The following CIDEA variants were observed in gnomAD, a reference collection of about 807,000 sequenced individuals.
CIDEA encodes lipid transferase CIDEA.
CIDEA carries 10 observed loss-of-function variants against 18.2 expected under a neutral mutation model. That is an observed-to-expected ratio of 0.55 (90% CI 0.34 to 0.93). The LOEUF is 0.93. Ranked by LOEUF, CIDEA falls within the 40% of genes least tolerant of loss-of-function variation. The pLI, the probability that CIDEA is intolerant of heterozygous loss-of-function variation, is 0.02. For missense variants in CIDEA, 309 were observed against 293.1 expected (o/e 1.05, Z -0.40); for synonymous variants, 128 against 124.8 (o/e 1.03, Z -0.17).
intron 1 of CIDEA, among the ~76,000 whole-genome samples, chr18:12,261,856 C>T (rs1169780763): frequency 6.6e-6 from 1 of 151,112 alleles, no homozygotes; most frequent in African/African-American, 2.4e-5. Flanking sequence ...ACTGGAATTA[C>T]AGGCATGAGA....
chr18:12,266,284 T>C (rs1437009163), intron 3 of CIDEA, among the ~76,000 whole-genome samples: 1 of 151,580 alleles, frequency 6.6e-6, no homozygotes, highest in East Asian at 1.9e-4. Flanking sequence ...CAAAACCCCA[T>C]CTCTACCAAA....
intron 4 of CIDEA, among the ~76,000 whole-genome samples, chr18:12,275,860 T>A (rs6505742): frequency 1 from 152,202 of 152,216 alleles, 76,094 homozygotes; most frequent in Non-Finnish European, 1. Flanking sequence ...TTTTGCCGGG[T>A]TAGGAGAAAA....
chr18:12,254,870 G>C (rs1001114251), intron 1 of CIDEA: 1 of 1,325,360 alleles, frequency 7.5e-7, no homozygotes, highest in Middle Eastern at 2.2e-4. Flanking sequence ...GGAGCTGGGC[G>C]CGGGAGGGGC....
At chr18:12,255,064 C>T in intron 1 of CIDEA, 2 of 617,362 alleles carry the variant, frequency 3.2e-6, no homozygotes, top group Non-Finnish European at 4.7e-6. Context: ...AGGAGTCTTC[C>T]CTGCGCTTCG....
chr18:12,277,070 T>C lies in CIDEA; in HGVS notation c.513-53T>C. The C allele has an allele frequency of 3.7e-6, 6 of 1,605,244 alleles. 1 individual carries two copies. The South Asian group carries it at 5.5e-5, about 15-fold the overall frequency. ...GTGAAGTATTCCCATCCTGTCTGTT[T>C]CTCACTGGCCCAAAATCCCAAGCTA... On this transcript the variant is annotated intron_variant, in intron 4 of 4. Coordinates refer to ENST00000320477, the MANE Select transcript of CIDEA (RefSeq NM_001279.4).
intron 3 of CIDEA, among the ~76,000 whole-genome samples, chr18:12,271,160 C>G (rs1046173576): frequency 2.0e-5 from 3 of 152,114 alleles, no homozygotes; most frequent in Non-Finnish European, 4.4e-5. Flanking sequence ...CGGCCTCCCA[C>G]CGTGCTAGGA....
chr18:12,256,559 C>T (rs1256955871), intron 1 of CIDEA, among the ~76,000 whole-genome samples: 1 of 152,224 alleles, frequency 6.6e-6, no homozygotes, highest in Admixed American at 6.5e-5. Context: ...TGCTCTGTTC[C>T]TGTGTTCTGC....
intron 3 of CIDEA, among the ~76,000 whole-genome samples, chr18:12,266,146 A>C (rs1163039097): frequency 6.6e-6 from 1 of 152,126 alleles, no homozygotes; most frequent in African/African-American, 2.4e-5. Flanking sequence ...CAGGAGGATC[A>C]CTTGAGCCCA....
At position 12,259,724 on chromosome 18, in the gene CIDEA, G is replaced by A. The variant is rs183306332; in HGVS notation, c.39-3101G>A. Among the ~76,000 whole-genome samples, 562 of 152,266 alleles carry A rather than the reference G, an allele frequency of 3.7e-3. 2 individuals carry two copies. The highest frequency in any genetic ancestry group is 7.0e-3 in the Non-Finnish European group (474 of 68,016). On this transcript the variant is annotated intron_variant, in intron 1 of 4. Transcript: ENST00000320477. ...AAAAATACAAAAATTAGCCAGGCATGGTAGCGGGCGCCTGTAACCCCAGCT... is the reference window on the plus strand; with the variant it reads ...AAAAATACAAAAATTAGCCAGGCATAGTAGCGGGCGCCTGTAACCCCAGCT...
chr18:12,254,517 G>A, intron 1 of CIDEA, 96 bp downstream of exon 1: 3 of 1,539,248 alleles, frequency 1.9e-6, no homozygotes, highest in Non-Finnish European at 2.6e-6. Context: ...ACCGTACCCC[G>A]CTCCCTTCAG....
intron 3 of CIDEA, among the ~76,000 whole-genome samples, chr18:12,271,597 G>T (rs1005849058): frequency 6.6e-6 from 1 of 152,226 alleles, no homozygotes. Context: ...GAGACACTCA[G>T]CTAACAGGGA....
At chr18:12,265,817 T>C (rs946398439) in intron 3 of CIDEA, among the ~76,000 whole-genome samples, 1 of 152,122 alleles carries the variant, frequency 6.6e-6, no homozygotes, top group Non-Finnish European at 1.5e-5. Flanking sequence ...ACGTAAGGAC[T>C]CAGGCACCAC....
chr18:12,265,477 G>C (rs1314875812), intron 3 of CIDEA, among the ~76,000 whole-genome samples: 1 of 152,204 alleles, frequency 6.6e-6, no homozygotes, highest in African/African-American at 2.4e-5. Flanking sequence ...AAAGTCAAGG[G>C]GTGAGATGTG....
At chr18:12,277,031 T>G (rs1157956198) in intron 4 of CIDEA, 92 bp from the exon 5 acceptor site, 1 of 1,448,244 alleles carries the variant, frequency 6.9e-7, no homozygotes, top group East Asian at 2.3e-5. Flanking sequence ...TCCGAGTGCC[T>G]TTTGGTGGGG....
At chr18:12,270,310 T>C (rs1012210952) in intron 3 of CIDEA, among the ~76,000 whole-genome samples, 3 of 151,826 alleles carry the variant, frequency 2.0e-5, no homozygotes, top group Non-Finnish European at 2.9e-5. Context: ...ATATATATTA[T>C]ATATATAACC....
At chr18:12,268,254 A>ATTTTTTTTTTT (rs1912411367) in intron 3 of CIDEA, among the ~76,000 whole-genome samples, 147 of 51,070 alleles carry the variant, frequency 2.9e-3, no homozygotes, top group Non-Finnish European at 3.7e-3. Context: ...TTTTTTTTTC[A>ATTTTTTTTTTT]TTTTTAGTAG....
At chr18:12,262,392 C>G (rs982090645) in intron 1 of CIDEA, among the ~76,000 whole-genome samples, 1 of 152,146 alleles carries the variant, frequency 6.6e-6, no homozygotes, top group Non-Finnish European at 1.5e-5. Context: ...TTCTGGCTTA[C>G]CCTTATTGTG....
rs779255122 is a variant in CIDEA, at chr18:12,262,830, T to G, written c.44T>G (p.Leu15Arg). The G allele has an allele frequency of 3.1e-6, 5 of 1,611,882 alleles. No individual in the cohort carries two copies. The South Asian group carries it at 5.5e-5, about 18-fold the overall frequency. ...RDYAGALIRP[L>R]TFMGSQTKRV... ...CTTTTCACCTCCATTTTCAGGCCCC[T>G]GACATTTATGGGATCACAGACTAAG... Residue 15 changes from leucine (L) to arginine (R), a missense_variant, in exon 2 of 5, where the codon CTG becomes CGG. Physicochemically the swap from Leu to Arg is moderately radical, Grantham distance 102. Transcript: ENST00000320477.
chr18:12,266,061 C>CA (rs200649401), intron 3 of CIDEA, among the ~76,000 whole-genome samples: 9 of 152,220 alleles, frequency 5.9e-5, no homozygotes, highest in East Asian at 3.9e-4. Context: ...CAATCTCCAC[C>CA]AAAAAAAATT....
Sources: allele counts gnomAD v4.1 joint callset (sites outside exome capture counted in the v4.1 genomes callset), GRCh38; gene constraint gnomAD v4.1.1; transcripts MANE v1.5; gene names NCBI Gene and HGNC (gene_info 2026-07-23, HGNC 2026-07-21).